The following CEP192 variants were observed in gnomAD, a reference collection of about 807,000 sequenced individuals.
CEP192 encodes centrosomal protein 192, also known as centrosomal protein of 192 kDa.
In CEP192, 151 loss-of-function variants were observed where a neutral mutation model predicts 271.8. The ratio of observed to expected loss-of-function variants is 0.56; its 90% confidence interval spans 0.49 to 0.64. CEP192 has a LOEUF of 0.64. Ranked by LOEUF, CEP192 falls within the 30% of genes least tolerant of loss-of-function variation. The pLI is 0.00. For synonymous variants in CEP192, 995 were observed against 1,076.5 expected (o/e 0.92, Z 1.48); for missense variants, 2,910 against 3,020.5 (o/e 0.96, Z 0.86).
At chr18:13,018,089 C>T (rs1599081171) in intron 7 of CEP192, among the ~76,000 whole-genome samples, 1 of 152,058 alleles carries the variant, frequency 6.6e-6, no homozygotes, top group Non-Finnish European at 1.5e-5. Context: ...CATAGTAAAC[C>T]AAGCAGTGTT....
intron 17 of CEP192, among the ~76,000 whole-genome samples, chr18:13,052,198 A>C (rs926917314): frequency 6.6e-6 from 1 of 152,150 alleles, no homozygotes; most frequent in Non-Finnish European, 1.5e-5. Context: ...TGTGAGACTC[A>C]CTATTTGTCA....
At chr18:13,070,144 G>C (rs1242042789) in intron 27 of CEP192, among the ~76,000 whole-genome samples, 1 of 150,976 alleles carries the variant, frequency 6.6e-6, no homozygotes, top group Non-Finnish European at 1.5e-5. Flanking sequence ...CTGGGCGACA[G>C]AGAGTCCGTC....
At chr18:13,053,592 T>C (rs1156522678) in intron 18 of CEP192, among the ~76,000 whole-genome samples, 1 of 152,156 alleles carries the variant, frequency 6.6e-6, no homozygotes, top group Non-Finnish European at 1.5e-5. Context: ...TGTATGAGGC[T>C]AGAAGAGGGG....
intron 36 of CEP192, 96 bp downstream of exon 36, chr18:13,096,403 T>C (rs1463663385): frequency 1.3e-6 from 2 of 1,506,732 alleles, no homozygotes; most frequent in Admixed American, 4.0e-5. Flanking sequence ...TTTATCCAGT[T>C]GAATTTTGCA....
chr18:13,015,317 G>C lies in CEP192; in HGVS notation c.520-11G>C. 6.5e-7 allele frequency: 1 copy of C among 1,548,604 alleles called. No individual in the cohort carries two copies. Among genetic ancestry groups the C allele is most frequent in the Non-Finnish European group, 8.7e-7 (1 of 1,146,188 alleles). ...ATGTGCTTCTCTTACTTGCCATTTTGTTTCTTATAGATTGTTGTGCTTGAT... is the reference window on the plus strand; with the variant it reads ...ATGTGCTTCTCTTACTTGCCATTTTCTTTCTTATAGATTGTTGTGCTTGAT... On this transcript the variant is annotated splice_polypyrimidine_tract_variant and intron_variant, in intron 5 of 44. Transcript: ENST00000506447.
chr18:13,102,325 T>C (rs887783290), intron 38 of CEP192, among the ~76,000 whole-genome samples: 2 of 151,828 alleles, frequency 1.3e-5, no homozygotes, highest in Non-Finnish European at 2.9e-5. Flanking sequence ...CATTCTCGCC[T>C]CTCGGGGGGC....
intron 15 of CEP192, among the ~76,000 whole-genome samples, chr18:13,043,327 G>A (rs913817067): frequency 2.0e-5 from 3 of 152,082 alleles, no homozygotes; most frequent in African/African-American, 7.2e-5. Flanking sequence ...TCTGTGGCTT[G>A]CCTTTTCACT....
intron 21 of CEP192, among the ~76,000 whole-genome samples, chr18:13,064,183 A>G (rs890548844): frequency 1.3e-5 from 2 of 151,828 alleles, no homozygotes; most frequent in African/African-American, 4.8e-5. Flanking sequence ...ATCCATTTTG[A>G]TTTGATTTTT....
chr18:13,096,662 G>A (rs1431234417), intron 36 of CEP192, among the ~76,000 whole-genome samples: 1 of 152,194 alleles, frequency 6.6e-6, no homozygotes, highest in East Asian at 1.9e-4. Flanking sequence ...GAGGGGTCGC[G>A]ATGTGTCCCG....
At chr18:13,015,742 A>G (rs1226981362) in intron 6 of CEP192, among the ~76,000 whole-genome samples, 1 of 151,740 alleles carries the variant, frequency 6.6e-6, no homozygotes, top group East Asian at 1.9e-4. Flanking sequence ...TAGGGGAACC[A>G]TGAAATTTTT....
At chr18:13,003,495 G>GGGA in intron 3 of CEP192, among the ~76,000 whole-genome samples, 2 of 151,728 alleles carry the variant, frequency 1.3e-5, no homozygotes, top group South Asian at 4.2e-4. Flanking sequence ...CAAGACTTGA[G>GGGA]GGAGGGAGTT....
At chr18:13,076,368 G>A (rs1432267615) in intron 30 of CEP192, among the ~76,000 whole-genome samples, 1 of 151,842 alleles carries the variant, frequency 6.6e-6, no homozygotes, top group Non-Finnish European at 1.5e-5. Context: ...GGGACTACAG[G>A]CGCGTGCCAC....
At position 13,068,359 on chromosome 18, in the gene CEP192, G is replaced by T; in HGVS notation, c.4759G>T (p.Asp1587Tyr). ...HMMPASYDGQ[D>Y]PEFLMIWVLF... is the part of the protein sequence containing the mutation. ...ACAAATTTTTCTTTTAATTTTATAGGATCCAGAATTTCTGATGATTTGGGT... is the reference window on the plus strand; with the variant it reads ...ACAAATTTTTCTTTTAATTTTATAGTATCCAGAATTTCTGATGATTTGGGT... The change falls in exon 24 of 45, where the codon GAT becomes TAT. Residue 1587 changes from aspartate (D) to tyrosine (Y), a missense_variant and splice_region_variant. Coordinates refer to ENST00000506447, the MANE Select transcript of CEP192 (RefSeq NM_032142.4). The T allele has an allele frequency of 6.2e-7, 1 of 1,611,356 alleles. No individual in the cohort carries two copies. The highest frequency in any genetic ancestry group is 8.5e-7 in the Non-Finnish European group (1 of 1,178,564).
chr18:13,076,779 C>CTGTT (rs1049033249), intron 30 of CEP192, among the ~76,000 whole-genome samples: 2 of 151,550 alleles, frequency 1.3e-5, no homozygotes, highest in Non-Finnish European at 2.9e-5. Context: ...CTTTTAAATG[C>CTGTT]TGTTTATTTA....
Position 13,098,599 on chromosome 18 carries a change from G to A in CEP192, c.6558-877G>A, listed in dbSNP as rs544902738. Reference sequence around the variant, plus strand: ...AGACGATGGGCGGCCGGGCAGAGATGCTCCTCACTTCCTAGATGGGATGGC... The same window carrying A: ...AGACGATGGGCGGCCGGGCAGAGATACTCCTCACTTCCTAGATGGGATGGC... On this transcript the variant is annotated intron_variant, in intron 36 of 44. Coordinates refer to ENST00000506447, the MANE Select transcript of CEP192 (RefSeq NM_032142.4). Among the ~76,000 whole-genome samples, 859 of 151,594 alleles carry A rather than the reference G, an allele frequency of 5.7e-3. 15 individuals carry two copies. The highest frequency in any genetic ancestry group is 0.02 in the African/African-American group (822 of 41,218).
intron 14 of CEP192, among the ~76,000 whole-genome samples, chr18:13,041,590 T>A (rs1338322768): frequency 6.6e-6 from 1 of 151,672 alleles, no homozygotes; most frequent in Non-Finnish European, 1.5e-5. Flanking sequence ...TCTTTTTTTT[T>A]TTTTTGAGAC....
At chr18:13,020,901 G>C (rs2034951799) in intron 9 of CEP192, among the ~76,000 whole-genome samples, 1 of 152,082 alleles carries the variant, frequency 6.6e-6, no homozygotes, top group African/African-American at 2.4e-5. Context: ...TAAGGCCTTT[G>C]CCCACTTTTT....
intron 11 of CEP192, 53 bp from the exon 12 acceptor site, chr18:13,037,184 A>G (rs568004533): frequency 2.7e-6 from 2 of 738,232 alleles, no homozygotes; most frequent in African/African-American, 1.8e-5. Flanking sequence ...TCTGTGTGCT[A>G]GTGTTTGTTT....
chr18:13,041,079 G>A, intron 14 of CEP192, 123 bp downstream of exon 14: 1 of 766,524 alleles, frequency 1.3e-6, no homozygotes, highest in Non-Finnish European at 2.0e-6. Flanking sequence ...TAGTTTCTCA[G>A]TGTTGGTTAT....
Sources: allele counts gnomAD v4.1 joint callset (sites outside exome capture counted in the v4.1 genomes callset), GRCh38; gene constraint gnomAD v4.1.1; transcripts MANE v1.5; gene names NCBI Gene and HGNC (gene_info 2026-07-23, HGNC 2026-07-21).